THSD7A: variants seen among roughly 807,000 people sequenced by gnomAD.
THSD7A encodes the protein thrombospondin type 1 domain containing 7A, also known as thrombospondin type-1 domain-containing protein 7A.
A neutral mutation model predicts 231.3 loss-of-function variants in THSD7A; 96 were observed. The ratio of observed to expected loss-of-function variants is 0.41; its 90% confidence interval spans 0.35 to 0.49. The LOEUF is 0.49. THSD7A is among the 20% of genes least tolerant of loss of function. The pLI, the probability that THSD7A is intolerant of heterozygous loss-of-function variation, is 0.05. For missense variants in THSD7A, 2,290 were observed against 2,070.2 expected, an observed-to-expected ratio of 1.11 and a Z score of -2.06; for synonymous variants, 940 against 743.3, an observed-to-expected ratio of 1.26 and a Z score of -4.30.
intron 6 of THSD7A, among the ~76,000 whole-genome samples, chr7:11,487,493 A>C (rs1476481849): frequency 6.6e-6 from 1 of 152,200 alleles, no homozygotes; most frequent in Non-Finnish European, 1.5e-5. Flanking sequence ...TACATTAAAC[A>C]TACAATCAAT....
intron 22 of THSD7A, among the ~76,000 whole-genome samples, chr7:11,405,251 C>A (rs1783544201): frequency 6.6e-6 from 1 of 150,800 alleles, no homozygotes; most frequent in African/African-American, 2.4e-5. Flanking sequence ...ATCCCATTTA[C>A]AAATTTTTGT....
chr7:11,553,580 GA>G (rs1789721074), intron 4 of THSD7A, among the ~76,000 whole-genome samples: 1 of 151,978 alleles, frequency 6.6e-6, no homozygotes, highest in Non-Finnish European at 1.5e-5. Flanking sequence ...AAACTCCAGA[GA>G]AATACATATT....
intron 8 of THSD7A, among the ~76,000 whole-genome samples, chr7:11,472,148 T>C (rs2128301610): frequency 6.6e-6 from 1 of 152,256 alleles, no homozygotes; most frequent in Non-Finnish European, 1.5e-5. Context: ...ATAAAATGAA[T>C]TTGGACTTCC....
intron 1 of THSD7A, among the ~76,000 whole-genome samples, chr7:11,681,498 G>T (rs114980890): frequency 2.0e-5 from 3 of 151,978 alleles, no homozygotes; most frequent in Non-Finnish European, 4.4e-5. Context: ...CCAAGTAGAA[G>T]AAAGAATTTC....
rs569030543 is a variant in THSD7A at position 11,704,932 on chromosome 7, C to T, written c.191-67971G>A. On this transcript the variant is annotated intron_variant, in intron 1 of 27. Transcript: ENST00000423059. The stretch of plus-strand genomic sequence containing the variant: ...ACTAGGTCTCCAAAAATAAGTGTAC[C>T]ATCAGTGGTTGCTTCATCTAATCCA... Among the ~76,000 whole-genome samples the T allele has an allele frequency of 5.4e-4, 82 of 151,100 alleles. 1 individual carries two copies. Among genetic ancestry groups the T allele is most frequent in the African/African-American group, 2.0e-3 (81 of 41,392 alleles).
chr7:11,677,373 A>G (rs1030884629), intron 1 of THSD7A, among the ~76,000 whole-genome samples: 3 of 152,018 alleles, frequency 2.0e-5, no homozygotes, highest in African/African-American at 4.8e-5. Context: ...TGGGCAAACT[A>G]ACCAGCTAAC....
chr7:11,546,641 T>C (rs1324005744), intron 4 of THSD7A, among the ~76,000 whole-genome samples: 1 of 152,170 alleles, frequency 6.6e-6, no homozygotes, highest in African/African-American at 2.4e-5. Flanking sequence ...ACAAGAACTG[T>C]GAGAACTTAA....
At chr7:11,708,892 T>C (rs1049775320) in intron 1 of THSD7A, among the ~76,000 whole-genome samples, 1 of 150,754 alleles carries the variant, frequency 6.6e-6, no homozygotes, top group Non-Finnish European at 1.5e-5. Flanking sequence ...ACACTGTACA[T>C]GGGCAAATAA....
At chr7:11,782,794 C>T (rs561970218) in intron 1 of THSD7A, among the ~76,000 whole-genome samples, 45 of 152,074 alleles carry the variant, frequency 3.0e-4, no homozygotes, top group Non-Finnish European at 8.8e-5. Flanking sequence ...TTTTTTTTAG[C>T]ATTAGGGACT....
At chr7:11,423,907 G>T (rs1381307286) in intron 16 of THSD7A, among the ~76,000 whole-genome samples, 1 of 152,192 alleles carries the variant, frequency 6.6e-6, no homozygotes, top group Non-Finnish European at 1.5e-5. Context: ...TCAATCTAGT[G>T]TTAGGCAGTA....
rs568171674 is a variant in THSD7A, at chr7:11,375,882, T to TA, written c.4890-5dup. On this transcript the variant is annotated splice_polypyrimidine_tract_variant and splice_region_variant and intron_variant, in intron 27 of 27. Coordinates refer to ENST00000423059, the MANE Select transcript of THSD7A (RefSeq NM_015204.3). Reference sequence around the variant, plus strand: ...TTGGGGTTTCTTTGGCTTTTTGCTGTAAAAAAATTCGGAATTAGGAGAAAG... The same window carrying TA: ...TTGGGGTTTCTTTGGCTTTTTGCTGTAAAAAAAATTCGGAATTAGGAGAAAG... 36 of 1,612,110 alleles carry TA rather than the reference T, an allele frequency of 2.2e-5. No homozygotes were observed. The highest frequency in any genetic ancestry group is 3.3e-5 in the South Asian group (3 of 91,000).
At chr7:11,403,177 G>A (rs1583676429) in intron 22 of THSD7A, among the ~76,000 whole-genome samples, 1 of 152,214 alleles carries the variant, frequency 6.6e-6, no homozygotes, top group African/African-American at 2.4e-5. Flanking sequence ...ATTATAGCCA[G>A]GTCATATGAA....
At chr7:11,635,940 G>A (rs370686577) in intron 2 of THSD7A, among the ~76,000 whole-genome samples, 190 bp downstream of exon 2, 3 of 151,684 alleles carry the variant, frequency 2.0e-5, no homozygotes, top group Non-Finnish European at 1.5e-5. Context: ...GTAATACAGG[G>A]CCTAAATGTG....
At chr7:11,572,064 C>T (rs1322906208) in intron 4 of THSD7A, among the ~76,000 whole-genome samples, 2 of 151,982 alleles carry the variant, frequency 1.3e-5, no homozygotes, top group Non-Finnish European at 2.9e-5. Context: ...TGACACTATT[C>T]CATTAATCAC....
chr7:11,422,764 T>A (rs1021691378), intron 16 of THSD7A, among the ~76,000 whole-genome samples: 3 of 152,144 alleles, frequency 2.0e-5, no homozygotes, highest in African/African-American at 7.2e-5. Context: ...GCAGTTCTCC[T>A]GCCTCAGCCT....
At chr7:11,631,777 T>G (rs1451560749) in intron 2 of THSD7A, among the ~76,000 whole-genome samples, 1 of 152,212 alleles carries the variant, frequency 6.6e-6, no homozygotes, top group Non-Finnish European at 1.5e-5. Context: ...GATAAAGAAC[T>G]TATTTTCAGT....
chr7:11,449,448 C>T (rs1402594657), intron 11 of THSD7A, among the ~76,000 whole-genome samples: 1 of 151,968 alleles, frequency 6.6e-6, no homozygotes, highest in Admixed American at 6.6e-5. Context: ...ATTCAAGGTA[C>T]AGGAAGGGTT....
intron 6 of THSD7A, among the ~76,000 whole-genome samples, chr7:11,536,859 A>G (rs1788936138): frequency 6.6e-6 from 1 of 152,072 alleles, no homozygotes; most frequent in African/African-American, 2.4e-5. Flanking sequence ...TTTGCTCCCA[A>G]TCTTCTACCG....
At chr7:11,407,774 A>T (rs1220787450) in intron 19 of THSD7A, among the ~76,000 whole-genome samples, 1 of 152,170 alleles carries the variant, frequency 6.6e-6, no homozygotes, top group Non-Finnish European at 1.5e-5. Context: ...ATTAGGTAAA[A>T]ACTAGTATCA....
Sources: gnomAD v4.1 joint callset for allele counts (sites outside exome capture counted in the v4.1 genomes callset) on GRCh38, gnomAD v4.1.1 for gene constraint, MANE v1.5 for transcripts, NCBI Gene and HGNC (gene_info 2026-07-23, HGNC 2026-07-21) for gene names.